The following UTRN variants were observed in gnomAD, a reference collection of about 807,000 sequenced individuals.
UTRN encodes the protein dystrophin-related protein 1.
Under a neutral mutation model 463.9 loss-of-function variants are expected in UTRN, and 283 were observed. The observed-to-expected ratio is 0.61, with a 90% CI of 0.55 to 0.67. The LOEUF (loss-of-function observed/expected upper bound fraction) is 0.67. UTRN is among the 30% of genes least tolerant of loss of function. The pLI is 0.00. For missense variants in UTRN, 3,922 were observed against 4,084.3 expected (o/e 0.96, Z 1.08); for synonymous variants, 1,442 against 1,431.5 (o/e 1.01, Z -0.17).
intron 51 of UTRN, among the ~76,000 whole-genome samples, chr6:144,589,618 A>G (rs892474819): frequency 3.3e-5 from 5 of 152,198 alleles, no homozygotes; most frequent in Non-Finnish European, 7.3e-5. Flanking sequence ...GATTACATTA[A>G]CTAAGTAATA....
At chr6:144,458,615 A>G (rs983261111) in intron 19 of UTRN, among the ~76,000 whole-genome samples, 155 bp from the exon 20 acceptor site, 2 of 152,224 alleles carry the variant, frequency 1.3e-5, no homozygotes, top group Non-Finnish European at 2.9e-5. Flanking sequence ...TAAGTGCATC[A>G]TTATAAATTT....
chr6:144,647,968 C>G (rs1778447438), intron 51 of UTRN, among the ~76,000 whole-genome samples: 1 of 152,222 alleles, frequency 6.6e-6, no homozygotes, highest in African/African-American at 2.4e-5. Context: ...ATAATAAGCA[C>G]TTACTGTGTG....
intron 53 of UTRN, among the ~76,000 whole-genome samples, chr6:144,728,797 A>AT (rs1345923907): frequency 1.3e-5 from 2 of 152,148 alleles, no homozygotes; most frequent in Admixed American, 6.5e-5. Context: ...GTTCATTTAA[A>AT]TTTTTTATCA....
chr6:144,349,260 A>G (rs1423020338), intron 2 of UTRN, among the ~76,000 whole-genome samples: 2 of 152,174 alleles, frequency 1.3e-5, no homozygotes, highest in South Asian at 4.1e-4. Flanking sequence ...CGCCCGCCTC[A>G]GCCTCCCAAA....
intron 2 of UTRN, among the ~76,000 whole-genome samples, chr6:144,396,017 AATT>A (rs1466969362): frequency 6.6e-6 from 1 of 151,856 alleles, no homozygotes; most frequent in Non-Finnish European, 1.5e-5. Context: ...TTAACCTAGC[AATT>A]TCACTCCTGC....
chr6:144,588,753 T>C (rs1344096464), intron 51 of UTRN, among the ~76,000 whole-genome samples: 1 of 152,202 alleles, frequency 6.6e-6, no homozygotes, highest in East Asian at 1.9e-4. Flanking sequence ...CCTCTTACTC[T>C]TAACTGTGAT....
intron 6 of UTRN, among the ~76,000 whole-genome samples, chr6:144,424,994 A>G (rs1195429852): frequency 6.6e-6 from 1 of 152,226 alleles, no homozygotes; most frequent in Non-Finnish European, 1.5e-5. Flanking sequence ...TAATACAATT[A>G]TGTAATCTAC....
chr6:144,421,605 C>T (rs1023607707), intron 3 of UTRN, among the ~76,000 whole-genome samples: 3 of 151,800 alleles, frequency 2.0e-5, no homozygotes, highest in South Asian at 2.1e-4. Flanking sequence ...AGGAGAATGG[C>T]GTGAACCCTG....
intron 58 of UTRN, chr6:144,758,205 A>G (rs1792222972): frequency 2.8e-6 from 1 of 358,512 alleles, no homozygotes; most frequent in Middle Eastern, 7.4e-4. Flanking sequence ...TAGCTGATAT[A>G]TTTTAAAGTA....
intron 32 of UTRN, among the ~76,000 whole-genome samples, chr6:144,492,865 T>C (rs2128580149): frequency 6.6e-6 from 1 of 152,332 alleles, no homozygotes; most frequent in Non-Finnish European, 1.5e-5. Flanking sequence ...TTCTGAGAAA[T>C]AGAAATAAAT....
At chr6:144,344,370 G>A (rs1562272261) in intron 2 of UTRN, 1 of 1,299,908 alleles carries the variant, frequency 7.7e-7, no homozygotes, top group African/African-American at 1.5e-5. Flanking sequence ...TATGAAGACA[G>A]GGTTCTTTCA....
At chr6:144,430,429 C>T (rs1002442618) in intron 9 of UTRN, among the ~76,000 whole-genome samples, 1 of 152,092 alleles carries the variant, frequency 6.6e-6, no homozygotes, top group Non-Finnish European at 1.5e-5. Context: ...AAGAATTGGA[C>T]CTTAGAAGTC....
At chr6:144,783,887 G>A (rs951951133) in intron 61 of UTRN, among the ~76,000 whole-genome samples, 8 of 152,066 alleles carry the variant, frequency 5.3e-5, no homozygotes, top group African/African-American at 7.2e-5. Context: ...CGGGATTTGC[G>A]ATATCTCTGT....
chr6:144,573,351 A>G (rs891382533), intron 50 of UTRN, among the ~76,000 whole-genome samples: 1 of 152,028 alleles, frequency 6.6e-6, no homozygotes, highest in Non-Finnish European at 1.5e-5. Context: ...TGGGAGTTCA[A>G]GACCAGCCTG....
At chr6:144,840,174 C>T (rs1781443676) in intron 72 of UTRN, among the ~76,000 whole-genome samples, 1 of 151,790 alleles carries the variant, frequency 6.6e-6, no homozygotes, top group African/African-American at 2.4e-5. Flanking sequence ...GTGACGGAGG[C>T]TCCATCTCAA....
chr6:144,628,404 C>CT (rs746481011), intron 51 of UTRN, among the ~76,000 whole-genome samples: 26 of 151,862 alleles, frequency 1.7e-4, no homozygotes, highest in South Asian at 4.2e-4. Flanking sequence ...GTGTTAGCCC[C>CT]TTTTTTTTGA....
intron 53 of UTRN, among the ~76,000 whole-genome samples, chr6:144,712,196 T>G (rs1394261134): frequency 6.6e-6 from 1 of 152,210 alleles, no homozygotes. Context: ...CGCTCAGCTC[T>G]TTAAGGCCCA....
chr6:144,451,537 C>T, intron 18 of UTRN, 44 bp downstream of exon 18: 2 of 1,552,918 alleles, frequency 1.3e-6, no homozygotes, highest in South Asian at 1.2e-5. Flanking sequence ...TAAAATAGTT[C>T]ATCATGCTGG....
chr6:144,482,059 ACT>A (rs1791942630), intron 26 of UTRN, 148 bp from the exon 27 acceptor site: 2 of 615,556 alleles, frequency 3.2e-6, no homozygotes, highest in Non-Finnish European at 4.9e-6. Flanking sequence ...AGAACCATTC[ACT>A]GTTACCTAAA....
Sources: allele counts gnomAD v4.1 joint callset (sites outside exome capture counted in the v4.1 genomes callset), GRCh38; gene constraint gnomAD v4.1.1; transcripts MANE v1.5; gene names NCBI Gene and HGNC (gene_info 2026-07-23, HGNC 2026-07-21).